The following TMEM266 variants were observed in gnomAD, a reference collection of about 807,000 sequenced individuals.
TMEM266 encodes the protein Hv1 related protein 1.
A neutral mutation model predicts 50.5 loss-of-function variants in TMEM266; 33 were observed. That is an observed-to-expected ratio of 0.65 (90% CI 0.50 to 0.87). TMEM266 has a LOEUF of 0.87. Ranked by LOEUF, TMEM266 falls within the 40% of genes least tolerant of loss-of-function variation. The pLI is 0.00. For synonymous variants in TMEM266, 310 were observed against 292.3 expected (o/e 1.06, Z -0.62); for missense variants, 655 against 695.1 (o/e 0.94, Z 0.65).
chr15:76,204,043 G>A lies in TMEM266; in HGVS notation c.1324G>A (p.Asp442Asn). 1 of 1,612,368 alleles carries A rather than the reference G, an allele frequency of 6.2e-7. No individual in the cohort carries two copies. The highest frequency in any genetic ancestry group is 8.5e-7 in the Non-Finnish European group (1 of 1,179,240). ...VQDLLSSLSE[D>N]PCPSQKALDP... ...GCAGGTGGAGGAGGCCACAGTCCAG[G>A]ACCTGCTGTCCTCCCTGTCGGAGGA... Residue 442 changes from aspartate to asparagine, a missense_variant, in exon 11 of 11, where the codon GAC becomes AAC. By Grantham distance (23) the Asp-to-Asn change is conservative. Around this residue, in one of 3 missense-constraint regions of TMEM266, gnomAD observed 455 missense variants for 401.8 expected, o/e 1.13. Transcript: ENST00000388942.
At chr15:76,119,912 C>G (rs2037314368) in intron 1 of TMEM266, among the ~76,000 whole-genome samples, 1 of 152,078 alleles carries the variant, frequency 6.6e-6, no homozygotes, top group African/African-American at 2.4e-5. Flanking sequence ...ATTTTTACTA[C>G]AGTGCTCTGT....
chr15:76,137,610 T>A, intron 2 of TMEM266, 97 bp from the exon 3 acceptor site: 1 of 1,257,294 alleles, frequency 8.0e-7, no homozygotes, highest in South Asian at 1.3e-5. Context: ...AGCCCTCCAC[T>A]GGCATAGCAG....
At chr15:76,150,170 A>C (rs943663661) in intron 3 of TMEM266, among the ~76,000 whole-genome samples, 7 of 152,162 alleles carry the variant, frequency 4.6e-5, no homozygotes, top group African/African-American at 1.7e-4. Flanking sequence ...ACAGTGCTGT[A>C]GTTTTGTGCA....
intron 3 of TMEM266, among the ~76,000 whole-genome samples, chr15:76,149,024 C>T (rs909500980): frequency 1.3e-5 from 2 of 152,140 alleles, no homozygotes; most frequent in Admixed American, 1.3e-4. Context: ...TTTATGAGCC[C>T]GCATCTCAGA....
intron 8 of TMEM266, among the ~76,000 whole-genome samples, chr15:76,177,246 C>T (rs1282947694): frequency 6.6e-6 from 1 of 152,280 alleles, no homozygotes; most frequent in Non-Finnish European, 1.5e-5. Flanking sequence ...TAGTCCAACT[C>T]ACATCCGGCC....
Position 76,161,404 on chromosome 15 carries a change from G to A in TMEM266, c.456+1236G>A, listed in dbSNP as rs371675581. On this transcript the variant is annotated intron_variant, in intron 5 of 10. Transcript: ENST00000388942. This position sits in a 1 kb window ranked among gnomAD's most constrained non-coding sequence, Gnocchi z 4.1. ...CAGAGGCACTGAGGTGGGGAACCCC[G>A]GGAGTCAGGAGTCCCAGCATCCTCC... Among the ~76,000 whole-genome samples, 28 of 152,020 alleles carry A rather than the reference G, an allele frequency of 1.8e-4. No homozygotes were observed. The highest frequency in any genetic ancestry group is 3.7e-4 in the Non-Finnish European group (25 of 67,990).
chr15:76,198,491 C>G (rs1008674689), intron 9 of TMEM266, among the ~76,000 whole-genome samples: 1 of 152,208 alleles, frequency 6.6e-6, no homozygotes, highest in African/African-American at 2.4e-5. Flanking sequence ...GCCACCCCTT[C>G]GCTCCCAGAT....
At chr15:76,129,842 T>C (rs2037478971) in intron 1 of TMEM266, among the ~76,000 whole-genome samples, 1 of 152,086 alleles carries the variant, frequency 6.6e-6, no homozygotes, top group Non-Finnish European at 1.5e-5. Context: ...ATGTGTGGCC[T>C]CTTTGGCTCC....
At chr15:76,094,600 C>G (rs1384214082) in intron 1 of TMEM266, among the ~76,000 whole-genome samples, 1 of 152,026 alleles carries the variant, frequency 6.6e-6, no homozygotes, top group Admixed American at 6.6e-5. Context: ...GCTATGCAGG[C>G]TCTTTTTTGG....
intron 1 of TMEM266, among the ~76,000 whole-genome samples, chr15:76,073,493 AAACTGCTGGGATTACAGG>A (rs2036565925): frequency 6.6e-6 from 1 of 152,178 alleles, no homozygotes; most frequent in Non-Finnish European, 1.5e-5. Flanking sequence ...TTGGCCTCCC[AAACTGCTGGGATTACAGG>A]TGTGAGCCAC....
intron 8 of TMEM266, among the ~76,000 whole-genome samples, chr15:76,176,848 C>T (rs577800537): frequency 6.3e-4 from 96 of 152,326 alleles, no homozygotes; most frequent in Middle Eastern, 3.4e-3. Context: ...GTTGAGGTCT[C>T]ATGTGGCGTA....
Position 76,161,609 on chromosome 15 carries a change from C to T in TMEM266, c.456+1441C>T, listed in dbSNP as rs11631566. Among the ~76,000 whole-genome samples, 24 of 152,284 alleles carry T rather than the reference C, an allele frequency of 1.6e-4. No individual in the cohort carries two copies. The highest frequency in any genetic ancestry group is 1.2e-3 in the Admixed American group (18 of 15,306). ...CATTCCCTTTCCTGGGCCTCGCCTCCTACAGCCCACGGAGCTGGCTGGTGA... is the reference window on the plus strand; with the variant it reads ...CATTCCCTTTCCTGGGCCTCGCCTCTTACAGCCCACGGAGCTGGCTGGTGA... On this transcript the variant is annotated intron_variant, in intron 5 of 10. Coordinates refer to ENST00000388942, the MANE Select transcript of TMEM266 (RefSeq NM_152335.3). This position sits in a 1 kb window ranked among gnomAD's most constrained non-coding sequence, Gnocchi z 4.1.
chr15:76,073,843 T>C (rs2036570277), intron 1 of TMEM266, among the ~76,000 whole-genome samples: 1 of 152,244 alleles, frequency 6.6e-6, no homozygotes, highest in Non-Finnish European at 1.5e-5. Flanking sequence ...AGTTAACATC[T>C]GCATTTCCAC....
intron 7 of TMEM266, chr15:76,175,260 C>CGTAT: frequency 3.5e-6 from 1 of 285,304 alleles, no homozygotes; most frequent in South Asian, 3.8e-5. Flanking sequence ...TTGTGGCCAC[C>CGTAT]CATAGCTGCA....
intron 1 of TMEM266, among the ~76,000 whole-genome samples, chr15:76,076,196 G>A (rs918942963): frequency 1.3e-5 from 2 of 151,878 alleles, no homozygotes. Flanking sequence ...GTTCCATCCT[G>A]AAGATCTGTG....
At chr15:76,068,138 T>C (rs2036468635) in intron 1 of TMEM266, among the ~76,000 whole-genome samples, 1 of 152,236 alleles carries the variant, frequency 6.6e-6, no homozygotes, top group African/African-American at 2.4e-5. Flanking sequence ...CTAAATGCAG[T>C]AGCAGAAATT....
intron 1 of TMEM266, among the ~76,000 whole-genome samples, chr15:76,122,307 C>T (rs1253555813): frequency 1.3e-5 from 2 of 152,218 alleles, no homozygotes; most frequent in Admixed American, 6.5e-5. Flanking sequence ...CTTGGTCAAC[C>T]AAATGGCCAA....
chr15:76,114,415 G>A (rs1349818891), intron 1 of TMEM266, among the ~76,000 whole-genome samples: 2 of 152,156 alleles, frequency 1.3e-5, no homozygotes, highest in Non-Finnish European at 2.9e-5. Context: ...ACCTACTCGG[G>A]AGGCTGAGGC....
intron 3 of TMEM266, among the ~76,000 whole-genome samples, chr15:76,152,677 C>G (rs973486420): frequency 1.3e-5 from 2 of 152,172 alleles, no homozygotes; most frequent in Non-Finnish European, 1.5e-5. Flanking sequence ...TCACCCCCAT[C>G]AGCTTTCTCA....
Sources: gnomAD v4.1 joint callset for allele counts (sites outside exome capture counted in the v4.1 genomes callset) on GRCh38, gnomAD v4.1.1 for gene constraint, gnomAD v4.1.1 regional missense constraint, Gnocchi (gnomAD v3.1) non-coding constraint, MANE v1.5 for transcripts, NCBI Gene and HGNC (gene_info 2026-07-23, HGNC 2026-07-21) for gene names.